Variants in CNTN4 observed in about 807,000 individuals in gnomAD.
CNTN4 encodes the protein contactin-4.
Under a neutral mutation model 122.5 loss-of-function variants are expected in CNTN4, and 77 were observed. That is an observed-to-expected ratio of 0.63 (90% confidence interval 0.52 to 0.76). CNTN4 has a LOEUF of 0.76. CNTN4 is among the 30% of genes least tolerant of loss of function. The pLI, the probability that CNTN4 is intolerant of heterozygous loss-of-function variation, is 0.00. For missense variants in CNTN4, 1,256 were observed against 1,259.1 expected, an observed-to-expected ratio of 1.00 and a Z score of 0.04; for synonymous variants, 512 against 447.0, an observed-to-expected ratio of 1.15 and a Z score of -1.83.
At chr3:2,504,306 A>G (rs1204352227) in intron 3 of CNTN4, among the ~76,000 whole-genome samples, 1 of 152,088 alleles carries the variant, frequency 6.6e-6, no homozygotes, top group African/African-American at 2.4e-5. Context: ...TGAAGTTCAC[A>G]TTTTTCTACC....
chr3:2,290,110 A>G (rs891364331), intron 2 of CNTN4, among the ~76,000 whole-genome samples: 1 of 152,220 alleles, frequency 6.6e-6, no homozygotes, highest in Non-Finnish European at 1.5e-5. Context: ...TGCCCAAAAT[A>G]ACAACAAAAA....
intron 4 of CNTN4, among the ~76,000 whole-genome samples, chr3:2,674,183 C>G (rs1243977331): frequency 6.6e-6 from 1 of 152,210 alleles, no homozygotes; most frequent in Non-Finnish European, 1.5e-5. Flanking sequence ...CGCATACAAT[C>G]CATATGCCTC....
intron 3 of CNTN4, among the ~76,000 whole-genome samples, chr3:2,533,703 A>G (rs1215603099): frequency 1.3e-5 from 2 of 152,174 alleles, no homozygotes; most frequent in Admixed American, 6.5e-5. Context: ...TCCTTGAGGA[A>G]TCACCACAAT....
intron 2 of CNTN4, among the ~76,000 whole-genome samples, chr3:2,210,095 G>A (rs1370777196): frequency 1.3e-5 from 2 of 152,028 alleles, no homozygotes; most frequent in East Asian, 1.9e-4. Context: ...GTATGTCCCT[G>A]TATCTATTTG....
intron 4 of CNTN4, among the ~76,000 whole-genome samples, chr3:2,719,577 C>A (rs1458909795): frequency 3.9e-5 from 6 of 152,090 alleles, no homozygotes; most frequent in African/African-American, 1.4e-4. Context: ...CATTGAGTGA[C>A]CACGCCCAGC....
At chr3:2,311,919 T>C (rs559061049) in intron 2 of CNTN4, among the ~76,000 whole-genome samples, 27 of 152,244 alleles carry the variant, frequency 1.8e-4, no homozygotes, top group African/African-American at 5.5e-4. Flanking sequence ...TCCTGAGTTA[T>C]AGAGTTTTGG....
intron 4 of CNTN4, among the ~76,000 whole-genome samples, chr3:2,688,248 T>G (rs2085539221): frequency 6.6e-6 from 1 of 152,170 alleles, no homozygotes; most frequent in African/African-American, 2.4e-5. Context: ...TAGCTATTTT[T>G]TCAGTATTTT....
intron 2 of CNTN4, among the ~76,000 whole-genome samples, chr3:2,234,370 C>CAAAAAAAAAAAAAAAAAAA (rs72401999): frequency 4.2e-5 from 4 of 94,744 alleles, no homozygotes; most frequent in African/African-American, 1.5e-4. Context: ...AAGTCCATCT[C>CAAAAAAAAAAAAAAAAAAA]AAAAAAAAAA....
At chr3:2,632,085 CGT>C (rs530895055) in intron 4 of CNTN4, among the ~76,000 whole-genome samples, 162 of 150,244 alleles carry the variant, frequency 1.1e-3, no homozygotes, top group African/African-American at 3.8e-3. Context: ...CACACACACA[CGT>C]GTGTGTATGT....
chr3:3,003,368 C>G (rs1696237870), intron 14 of CNTN4, among the ~76,000 whole-genome samples: 1 of 151,892 alleles, frequency 6.6e-6, no homozygotes, highest in Admixed American at 6.6e-5. Context: ...ATGGATAAAC[C>G]AAATGTGGTG....
chr3:2,705,862 T>G (rs1252375100), intron 4 of CNTN4, among the ~76,000 whole-genome samples: 2 of 83,412 alleles, frequency 2.4e-5, no homozygotes, highest in Non-Finnish European at 4.1e-5. Flanking sequence ...TATATGTGTT[T>G]ATATATAATA....
In CNTN4 at chr3:2,335,429, C is replaced by A. The variant is rs80205846; in HGVS notation, c.-144-3749C>A. ...AGGAGTACATTAGGCTCATTTTATT[C>A]GAAAGGAAGCTGAGCTTAAAGAAGG... On this transcript the variant is annotated intron_variant, in intron 2 of 24. Transcript: ENST00000418658. Among the ~76,000 whole-genome samples, 11 of 152,102 alleles carry A rather than the reference C, an allele frequency of 7.2e-5. No homozygotes were observed. The East Asian group carries it at 2.1e-3, about 29-fold the overall frequency.
At position 2,666,298 on chromosome 3, in the gene CNTN4, C is replaced by T. The variant is rs2084157885; in HGVS notation, c.56-69917C>T. On this transcript the variant is annotated intron_variant, in intron 4 of 24. Transcript: ENST00000418658. ...GGGGGGTTTAATTTGCTTCCAGAGT[C>T]TTGTTTTTGTAGAATAGCTTAAGTC... Among the ~76,000 whole-genome samples, 6 of 152,132 alleles carry T rather than the reference C, an allele frequency of 3.9e-5. No individual in the cohort carries two copies. In the South Asian group the frequency reaches 1.2e-3, roughly 32 times the overall value.
At chr3:2,429,058 G>C (rs139813303) in intron 3 of CNTN4, among the ~76,000 whole-genome samples, 4 of 152,066 alleles carry the variant, frequency 2.6e-5, no homozygotes, top group African/African-American at 9.7e-5. Context: ...ATTACCGATC[G>C]TCTGAAGCCT....
chr3:2,461,715 G>A (rs951130134), intron 3 of CNTN4, among the ~76,000 whole-genome samples: 6 of 152,182 alleles, frequency 3.9e-5, no homozygotes, highest in African/African-American at 1.4e-4. Context: ...AATAACAACA[G>A]TTAAATCATT....
At chr3:2,128,741 C>T (rs886788229) in intron 2 of CNTN4, among the ~76,000 whole-genome samples, 1 of 152,082 alleles carries the variant, frequency 6.6e-6, no homozygotes, top group Non-Finnish European at 1.5e-5. Context: ...CAATTTCAAG[C>T]GAAAGATGAC....
At chr3:2,124,926 G>A (rs1019714530) in intron 2 of CNTN4, among the ~76,000 whole-genome samples, 12 of 152,144 alleles carry the variant, frequency 7.9e-5, no homozygotes, top group Non-Finnish European at 1.8e-4. Flanking sequence ...ATCTCCAGAA[G>A]TTTCTTCCTG....
chr3:2,933,079 C>G (rs1289046595), intron 13 of CNTN4, among the ~76,000 whole-genome samples: 2 of 152,120 alleles, frequency 1.3e-5, no homozygotes, highest in Non-Finnish European at 2.9e-5. Flanking sequence ...GCCTCGGCCT[C>G]CCAAAGTGCT....
chr3:2,567,785 C>T (rs1350383163), intron 3 of CNTN4, among the ~76,000 whole-genome samples: 2 of 152,108 alleles, frequency 1.3e-5, no homozygotes, highest in African/African-American at 4.8e-5. Context: ...TGGCCTTCCT[C>T]CCTCTTATTT....
Sources: gnomAD v4.1 joint callset for allele counts (sites outside exome capture counted in the v4.1 genomes callset) on GRCh38, gnomAD v4.1.1 for gene constraint, MANE v1.5 for transcripts, NCBI Gene and HGNC (gene_info 2026-07-23, HGNC 2026-07-21) for gene names.